The following SETBP1 variants were observed in gnomAD, a reference collection of about 807,000 sequenced individuals.
SETBP1 encodes the protein SET-binding protein.
Under a neutral mutation model 101.0 loss-of-function variants are expected in SETBP1, and 9 were observed. The ratio of observed to expected loss-of-function variants is 0.09; its 90% confidence interval spans 0.05 to 0.16. The LOEUF (loss-of-function observed/expected upper bound fraction) is 0.16. Among genes scored for constraint, SETBP1 ranks in the 10% least tolerant of loss-of-function variants. The pLI, the probability that SETBP1 is intolerant of heterozygous loss-of-function variation, is 1.00. For missense variants in SETBP1, 1,858 were observed against 2,033.8 expected (o/e 0.91, Z 1.66); for synonymous variants, 818 against 788.5 (o/e 1.04, Z -0.63).
At chr18:44,880,996 T>G (rs2069518996) in intron 3 of SETBP1, among the ~76,000 whole-genome samples, 1 of 152,224 alleles carries the variant, frequency 6.6e-6, no homozygotes, top group Admixed American at 6.5e-5. Context: ...ATTCTAGGGC[T>G]GCTTATATAC....
intron 4 of SETBP1, among the ~76,000 whole-genome samples, chr18:45,021,529 G>A (rs769000151): frequency 6.4e-4 from 98 of 151,998 alleles, no homozygotes; most frequent in African/African-American, 1.8e-3. Flanking sequence ...ATTTTCTTTC[G>A]TGTGTTCAAA....
chr18:44,983,188 C>T lies in SETBP1; in HGVS notation c.4000+29848C>T, dbSNP rs138088793. 1.4e-4 allele frequency among the ~76,000 whole-genome samples: 21 copies of T among 152,136 alleles called. No homozygotes were observed. The East Asian group carries it at 4.1e-3, about 29-fold the overall frequency. On this transcript the variant is annotated intron_variant, in intron 4 of 5. Coordinates refer to ENST00000649279, the MANE Select transcript of SETBP1 (RefSeq NM_015559.3). The stretch of plus-strand genomic sequence containing the variant: ...ACAGAAGCATTTTAGTTTATAGAAT[C>T]ATAGAGTTGGAGGCATTTCTTCAAG...
At chr18:44,813,238 A>T (rs2071901568) in intron 2 of SETBP1, among the ~76,000 whole-genome samples, 1 of 152,216 alleles carries the variant, frequency 6.6e-6, no homozygotes. Flanking sequence ...AAATGGAGGC[A>T]TTACCTTTGG....
chr18:44,855,132 C>A (rs2072948738), intron 2 of SETBP1, among the ~76,000 whole-genome samples: 1 of 152,160 alleles, frequency 6.6e-6, no homozygotes, highest in South Asian at 2.1e-4. Context: ...ATCCCCCACT[C>A]TGCTTTTTCT....
chr18:44,902,052 T>G (rs2070059567), intron 3 of SETBP1, among the ~76,000 whole-genome samples: 1 of 152,222 alleles, frequency 6.6e-6, no homozygotes, highest in African/African-American at 2.4e-5. Context: ...CTATTTAAGT[T>G]TGAATTAATT....
chr18:44,795,083 A>C (rs1043949171), intron 2 of SETBP1, among the ~76,000 whole-genome samples: 1 of 152,182 alleles, frequency 6.6e-6, no homozygotes, highest in Non-Finnish European at 1.5e-5. Flanking sequence ...AAGTGCAATA[A>C]ATCTAGTATA....
intron 2 of SETBP1, among the ~76,000 whole-genome samples, chr18:44,706,665 G>A (rs1434075685): frequency 1.3e-5 from 2 of 149,288 alleles, no homozygotes; most frequent in African/African-American, 5.0e-5. Context: ...TTCCAAGCTG[G>A]GCAAGGCTTA....
intron 2 of SETBP1, among the ~76,000 whole-genome samples, chr18:44,841,698 C>T (rs1264561797): frequency 2.0e-5 from 3 of 152,178 alleles, no homozygotes; most frequent in African/African-American, 4.8e-5. Context: ...TACCTTCTTC[C>T]TATGATTAAG....
intron 2 of SETBP1, among the ~76,000 whole-genome samples, chr18:44,847,637 G>C (rs1333990631): frequency 1.3e-5 from 2 of 152,214 alleles, no homozygotes; most frequent in African/African-American, 4.8e-5. Flanking sequence ...AGCACTGTGG[G>C]GGTAGGGCAC....
In SETBP1 at chr18:45,067,870, G is replaced by T. The variant is rs1052896280; in HGVS notation, c.*4172G>T. ...TGCCCAGGTCTAATAAACACTAAAG[G>T]GGGGAAATTGAAAGGAGCTGCCAAC... On this transcript the variant is annotated 3_prime_UTR_variant, in exon 6 of 6. Coordinates refer to ENST00000649279, the MANE Select transcript of SETBP1 (RefSeq NM_015559.3). 2 of 152,102 alleles carry T rather than the reference G, an allele frequency of 1.3e-5. No homozygotes were observed. The highest frequency in any genetic ancestry group is 2.4e-5 in the African/African-American group (1 of 41,400). 9.4% of individuals were successfully genotyped at this position (152,102 alleles called of 1,614,324 possible). A position where few individuals can be genotyped will look rare whatever the true frequency, so the allele number is the denominator to read the frequency against.
At chr18:44,713,372 T>C (rs2069388595) in intron 2 of SETBP1, among the ~76,000 whole-genome samples, 1 of 152,156 alleles carries the variant, frequency 6.6e-6, no homozygotes, top group Admixed American at 6.5e-5. Context: ...CGGCAGCCCT[T>C]GTTTCAGAAA....
At chr18:44,818,430 C>T (rs933228754) in intron 2 of SETBP1, among the ~76,000 whole-genome samples, 2 of 152,074 alleles carry the variant, frequency 1.3e-5, no homozygotes, top group Non-Finnish European at 2.9e-5. Context: ...AGACTCCCAG[C>T]GGAGTGTGCC....
intron 2 of SETBP1, among the ~76,000 whole-genome samples, chr18:44,765,400 G>A (rs2070745488): frequency 6.6e-6 from 1 of 152,174 alleles, no homozygotes; most frequent in Non-Finnish European, 1.5e-5. Context: ...CTTTAAGCAG[G>A]CATTTTGTGG....
intron 2 of SETBP1, among the ~76,000 whole-genome samples, chr18:44,722,967 A>G (rs764871360): frequency 6.6e-6 from 1 of 152,212 alleles, no homozygotes; most frequent in Non-Finnish European, 1.5e-5. Flanking sequence ...TTTTATTTTT[A>G]ACAGCACCAA....
intron 3 of SETBP1, among the ~76,000 whole-genome samples, chr18:44,947,730 G>A (rs911953797): frequency 2.0e-5 from 3 of 151,906 alleles, no homozygotes; most frequent in African/African-American, 7.3e-5. Context: ...GGTCTTGAAC[G>A]CCCGACCTCA....
chr18:44,950,981 T>C lies in SETBP1; in HGVS notation c.1641T>C (p.Val547=), dbSNP rs538774500. ...PKPSTMLREA[V]MATSDKLMLE... ...CTAGCACCATGCTTCGAGAGGCAGT[T>C]ATGGCCACCTCTGATAAACTGATGC... Residue 547 remains valine, a synonymous_variant, in exon 4 of 6, where the codon GTT becomes GTC. Transcript: ENST00000649279. The C allele has an allele frequency of 1.2e-6, 2 of 1,614,072 alleles. No homozygotes were observed. The highest frequency in any genetic ancestry group is 2.7e-5 in the African/African-American group (2 of 75,006).
intron 1 of SETBP1, among the ~76,000 whole-genome samples, chr18:44,693,266 G>A (rs1182334750): frequency 6.6e-6 from 1 of 152,150 alleles, no homozygotes; most frequent in African/African-American, 2.4e-5. Flanking sequence ...GTGTCTCTCT[G>A]TATCAGAAAC....
At position 44,951,575 on chromosome 18, in the gene SETBP1, C is replaced by T; in HGVS notation, c.2235C>T (p.Ala745=). The T allele has an allele frequency of 1.2e-6, 2 of 1,614,142 alleles. No homozygotes were observed. The highest frequency in any genetic ancestry group is 1.7e-6 in the Non-Finnish European group (2 of 1,180,036). ...LPPPSEEPKT[A]IKHPRPVSSQ... ...CCCCATCCGAAGAACCCAAAACAGC[C>T]ATCAAGCACCCCAGGCCTGTTTCTA... Residue 745 remains alanine (A), a synonymous_variant, in exon 4 of 6, where the codon GCC becomes GCT. Coordinates refer to ENST00000649279, the MANE Select transcript of SETBP1 (RefSeq NM_015559.3). This position sits in a 1 kb window ranked among gnomAD's most constrained non-coding sequence, Gnocchi z 7.8.
intron 3 of SETBP1, among the ~76,000 whole-genome samples, chr18:44,884,487 C>T (rs765221267): frequency 1.6e-4 from 25 of 152,154 alleles, no homozygotes; most frequent in Non-Finnish European, 3.1e-4. Flanking sequence ...TTGGTCCCAG[C>T]AGAACCTTCT....
Sources: allele counts gnomAD v4.1 joint callset (sites outside exome capture counted in the v4.1 genomes callset), GRCh38; gene constraint gnomAD v4.1.1; non-coding constraint Gnocchi (gnomAD v3.1); transcripts MANE v1.5; gene names NCBI Gene and HGNC (gene_info 2026-07-23, HGNC 2026-07-21).